Variants in IL15RA observed in about 807,000 individuals in gnomAD.
IL15RA encodes interleukin 15 receptor subunit alpha.
In IL15RA, 26 loss-of-function variants were observed where a neutral mutation model predicts 24.2. The observed-to-expected ratio is 1.07, with a 90% confidence interval of 0.79 to 1.49. IL15RA has a LOEUF of 1.49. Among genes scored for constraint, IL15RA ranks in the 40% most tolerant of loss-of-function variants. The pLI is 0.00. For synonymous variants in IL15RA, 166 were observed against 157.6 expected (o/e 1.05, Z -0.40); for missense variants, 354 against 356.4 (o/e 0.99, Z 0.05).
Position 5,968,509 on chromosome 10 carries a change from C to T in IL15RA, c.89-2170G>A, listed in dbSNP as rs1836996216. The T allele has an allele frequency of 2.1e-6, 1 of 475,282 alleles. No homozygotes were observed. Among genetic ancestry groups the T allele is most frequent in the Non-Finnish European group, 3.8e-6 (1 of 261,178 alleles). 29.4% of individuals were successfully genotyped at this position (475,282 alleles called of 1,614,324 possible). ...ACTCCCCATTCCAATGAGGACACAT[C>T]TTCTGCTAAGCTGATGGCGTGAGAG... is the stretch of plus-strand genomic sequence containing the variant. On this transcript the variant is annotated intron_variant, in intron 1 of 6. Transcript: ENST00000379977. The surrounding 1 kb of genome is among the most constrained non-coding windows in gnomAD (Gnocchi z 5.4).
At chr10:5,977,600 G>A, upstream of IL15RA, 1 of 1,258,802 alleles carries the variant, frequency 7.9e-7, no homozygotes, top group Non-Finnish European at 1.0e-6. Context: ...AGTCGCATTC[G>A]CTTTCGCTTT....
chr10:5,968,567 T>G lies in IL15RA; in HGVS notation c.89-2228A>C, dbSNP rs1488007762. ...CGATCTCACAAGTTGTTGAGGTGGA[T>G]TTGGATGCTGCTGTTGCTATGGTTA... is the stretch of plus-strand genomic sequence containing the variant. On this transcript the variant is annotated intron_variant, in intron 1 of 6. Transcript: ENST00000379977. This position sits in a 1 kb window ranked among gnomAD's most constrained non-coding sequence, Gnocchi z 5.4. The G allele has an allele frequency of 1.1e-5, 6 of 567,446 alleles. No homozygotes were observed. The highest frequency in any genetic ancestry group is 3.8e-5 in the African/African-American group (2 of 53,208). The allele number at this position is 567,446 out of a possible 1,614,324, so 35.2% of individuals were successfully genotyped here. A position where few individuals can be genotyped will look rare whatever the true frequency, so the allele number is the denominator to read the frequency against.
chr10:5,956,971 T>C (rs1451487160), intron 5 of IL15RA, among the ~76,000 whole-genome samples: 1 of 150,870 alleles, frequency 6.6e-6, no homozygotes, highest in Non-Finnish European at 1.5e-5. Context: ...TTTTTTTTTT[T>C]TTTTTTGAGA....
At position 5,965,586 on chromosome 10, in the gene IL15RA, A is replaced by G. The variant is rs8177688; in HGVS notation, c.283+559T>C. Among the ~76,000 whole-genome samples the G allele has an allele frequency of 3.3e-5, 5 of 152,196 alleles. No homozygotes were observed. The highest frequency in any genetic ancestry group is 1.2e-4 in the African/African-American group (5 of 41,460). On this transcript the variant is annotated intron_variant, in intron 2 of 6. Transcript: ENST00000379977. The surrounding 1 kb of genome is among the most constrained non-coding windows in gnomAD (Gnocchi z 5.8). ...CCAGATGACCAGCCAGAGTGCCAGA[A>G]TATCACAAGAGCTGCCCAAGGCCTC... is the stretch of plus-strand genomic sequence containing the variant.
At chr10:5,977,583 C>T (rs8177763), upstream of IL15RA, 41,275 of 1,256,882 alleles carry the variant, frequency 0.033, 779 homozygotes, top group Non-Finnish European at 0.037. Flanking sequence ...GGACCTGCCG[C>T]CCCGCCAGTC....
At chr10:5,969,988 A>T (rs745311282) in intron 1 of IL15RA, among the ~76,000 whole-genome samples, 6 of 152,136 alleles carry the variant, frequency 3.9e-5, no homozygotes, top group Non-Finnish European at 8.8e-5. Context: ...AGTATTTTGC[A>T]TATTGATTTT....
chr10:5,977,800 G>T (rs991293069), upstream of IL15RA: 5 of 453,082 alleles, frequency 1.1e-5, no homozygotes, highest in Non-Finnish European at 1.8e-5. Flanking sequence ...GGAGCCTCCC[G>T]GTCCTCCGCG....
In IL15RA at chr10:5,970,005, T is replaced by G. The variant is rs1472667326; in HGVS notation, c.89-3666A>C. 7.2e-5 allele frequency among the ~76,000 whole-genome samples: 11 copies of G among 152,218 alleles called. No homozygotes were observed. The highest frequency in any genetic ancestry group is 5.9e-4 in the Admixed American group (9 of 15,276). ...TATTTTGCATATTGATTTTTTGGTG[T>G]CTTGACTCTGTATTCTGCACCCTTG... On this transcript the variant is annotated intron_variant, in intron 1 of 6. Coordinates refer to ENST00000379977, the MANE Select transcript of IL15RA (RefSeq NM_002189.4). This position sits in a 1 kb window ranked among gnomAD's most constrained non-coding sequence, Gnocchi z 4.1.
chr10:5,974,674 C>T (rs1295034066), intron 1 of IL15RA, among the ~76,000 whole-genome samples: 2 of 151,944 alleles, frequency 1.3e-5, no homozygotes, highest in Admixed American at 6.6e-5. Flanking sequence ...GTCAGGAGTT[C>T]GAGACCAGCC....
intron 1 of IL15RA, among the ~76,000 whole-genome samples, chr10:5,969,630 C>T (rs577104530): frequency 6.6e-6 from 1 of 152,286 alleles, no homozygotes; most frequent in African/African-American, 2.4e-5. Context: ...TCCCAAAGTG[C>T]TGGGATTACA....
rs1836644884 is a variant in IL15RA at position 5,966,863 on chromosome 10, T to TG, written c.89-525dup. 6.6e-6 allele frequency among the ~76,000 whole-genome samples: 1 copy of TG among 152,030 alleles called. No homozygotes were observed. The highest frequency in any genetic ancestry group is 6.6e-5 in the Admixed American group (1 of 15,266). The stretch of plus-strand genomic sequence containing the variant: ...GGCAGGCGCCTGTAATCCCAGCTAC[T>TG]GGGGAGGCTGAGGCAGGAGAATTGC... On this transcript the variant is annotated intron_variant, in intron 1 of 6. Transcript: ENST00000379977. The surrounding 1 kb of genome is among the most constrained non-coding windows in gnomAD (Gnocchi z 6.4).
At position 5,958,383 on chromosome 10, in the gene IL15RA, T is replaced by C. The variant is rs1310592467; in HGVS notation, c.616+1371A>G. The C allele has an allele frequency of 4.6e-6, 2 of 438,556 alleles. No homozygotes were observed. Among genetic ancestry groups the C allele is most frequent in the African/African-American group, 4.1e-5 (2 of 49,284 alleles). The allele number at this position is 438,556 out of a possible 1,614,324, so 27.2% of individuals were successfully genotyped here. ...GGGGATTTTTGAGTTAGAAATGGGA[T>C]TTGCTTTTCGTCTTTTTTTTGAGAC... On this transcript the variant is annotated intron_variant, in intron 5 of 6. Coordinates refer to ENST00000379977, the MANE Select transcript of IL15RA (RefSeq NM_002189.4). The surrounding 1 kb of genome is among the most constrained non-coding windows in gnomAD (Gnocchi z 4.3).
rs1436403569 is a variant in IL15RA, at chr10:5,966,336, A to T, written c.92T>A (p.Ile31Asn). 6.2e-7 allele frequency: 1 copy of T among 1,605,318 alleles called. No homozygotes were observed. The highest frequency in any genetic ancestry group is 8.5e-7 in the Non-Finnish European group (1 of 1,172,546). Residue 31 changes from isoleucine to asparagine, a missense_variant, in exon 2 of 7, where the codon ATC (isoleucine) becomes AAC (asparagine). Ile to Asn is a moderately radical substitution (Grantham distance 149, BLOSUM62 -3). Coordinates refer to ENST00000379977, the MANE Select transcript of IL15RA (RefSeq NM_002189.4). This position sits in a 1 kb window ranked among gnomAD's most constrained non-coding sequence, Gnocchi z 6.4. ...CACGGACATGGGGGGAGGGCACGTGATGCCTGCGAAAGTGCAGAGGACAGG... is the reference window on the plus strand; with the variant it reads ...CACGGACATGGGGGGAGGGCACGTGTTGCCTGCGAAAGTGCAGAGGACAGG... ...LLLRPPATRG[I>N]TCPPPMSVEH...
chr10:5,956,384 C>T lies in IL15RA; in HGVS notation c.687G>A (p.Lys229=). 2 of 1,612,170 alleles carry T rather than the reference C, an allele frequency of 1.2e-6. No individual in the cohort carries two copies. Among genetic ancestry groups the T allele is most frequent in the Non-Finnish European group, 1.7e-6 (2 of 1,178,306 alleles). The change falls in exon 6 of 7, where the codon AAG becomes AAA. Residue 229 remains lysine, a synonymous_variant. Coordinates refer to ENST00000379977, the MANE Select transcript of IL15RA (RefSeq NM_002189.4). ...GAGTATCCAGTGCAACTCACCTTGA[C>T]TTGAGGTAGCATGCCAGGAGAGACA... is the stretch of plus-strand genomic sequence containing the variant. ...SAVSLLACYL[K]SRQTPPLASV... is the part of the protein sequence containing the mutation.
rs1254429079 is a variant in IL15RA, at chr10:5,952,941, C to G, written c.*154G>C. ...ACCTGCTCCCTCGCGCAGGAGGCGC[C>G]GACCCGGCAGTCCGTGAGATCCTGC... On this transcript the variant is annotated 3_prime_UTR_variant, in exon 7 of 7. Coordinates refer to ENST00000379977, the MANE Select transcript of IL15RA (RefSeq NM_002189.4). 3 of 648,908 alleles carry G rather than the reference C, an allele frequency of 4.6e-6. No homozygotes were observed. The highest frequency in any genetic ancestry group is 1.8e-5 in the African/African-American group (1 of 54,880). 40.2% of individuals were successfully genotyped at this position (648,908 alleles called of 1,614,324 possible). A position where few individuals can be genotyped will look rare whatever the true frequency, so the allele number is the denominator to read the frequency against.
In IL15RA at chr10:5,971,007, G is replaced by A. The variant is rs900195501; in HGVS notation, c.89-4668C>T. Among the ~76,000 whole-genome samples, 2 of 152,120 alleles carry A rather than the reference G, an allele frequency of 1.3e-5. No individual in the cohort carries two copies. The highest frequency in any genetic ancestry group is 4.2e-4 in the South Asian group (2 of 4,810). On this transcript the variant is annotated intron_variant, in intron 1 of 6. Coordinates refer to ENST00000379977, the MANE Select transcript of IL15RA (RefSeq NM_002189.4). The surrounding 1 kb of genome is among the most constrained non-coding windows in gnomAD (Gnocchi z 5.5). ...TCCTGAACTCAAGCCGTCCTCCAGAGATAATACATTTAATTGAAGCAATAA... is the reference window on the plus strand; with the variant it reads ...TCCTGAACTCAAGCCGTCCTCCAGAAATAATACATTTAATTGAAGCAATAA...
In IL15RA at chr10:5,959,753, C is replaced by G; in HGVS notation, c.616+1G>C. 1 of 1,613,200 alleles carries G rather than the reference C, an allele frequency of 6.2e-7. No individual in the cohort carries two copies. The highest frequency in any genetic ancestry group is 1.1e-5 in the South Asian group (1 of 91,050). Reference sequence around the variant, plus strand: ...CATACCGGACAAAGGGACACACTTACCAGTGGTGTCGCTGTGGCCCTGTGG... The same window carrying G: ...CATACCGGACAAAGGGACACACTTAGCAGTGGTGTCGCTGTGGCCCTGTGG... On this transcript the variant is annotated splice_donor_variant, in intron 5 of 6. Transcript: ENST00000379977. LOFTEE classifies it high-confidence loss of function. The surrounding 1 kb of genome is among the most constrained non-coding windows in gnomAD (Gnocchi z 4.1).
In IL15RA at chr10:5,963,888, C is replaced by T. The variant is rs1354517754; in HGVS notation, c.284-47G>A. ...GGCACTTATGATCCTGAGCCTGGAA[C>T]CTGGGCTGGCTTCAGAACGGGATAC... On this transcript the variant is annotated intron_variant, in intron 2 of 6. Transcript: ENST00000379977. The surrounding 1 kb of genome is among the most constrained non-coding windows in gnomAD (Gnocchi z 5.3). 9 of 1,258,386 alleles carry T rather than the reference C, an allele frequency of 7.2e-6. No homozygotes were observed. Among genetic ancestry groups the T allele is most frequent in the Non-Finnish European group, 9.9e-6 (9 of 905,064 alleles). The allele number at this position is 1,258,386 out of a possible 1,614,324, so 78.0% of individuals were successfully genotyped here. A position where few individuals can be genotyped will look rare whatever the true frequency, so the allele number is the denominator to read the frequency against.
rs2132500919 is a variant in IL15RA at position 5,965,325 on chromosome 10, C to T, written c.283+820G>A. On this transcript the variant is annotated intron_variant, in intron 2 of 6. Transcript: ENST00000379977. The surrounding 1 kb of genome is among the most constrained non-coding windows in gnomAD (Gnocchi z 5.8). ...GCAGCCCTGCTCCAGGGCCTGTGCC[C>T]ATCCCCGGGGCTGGGTACTGAGAGA... Among the ~76,000 whole-genome samples the T allele has an allele frequency of 6.6e-6, 1 of 152,374 alleles. No homozygotes were observed. Among genetic ancestry groups the T allele is most frequent in the South Asian group, 2.1e-4 (1 of 4,828 alleles).
Sources: gnomAD v4.1 joint callset for allele counts (sites outside exome capture counted in the v4.1 genomes callset) on GRCh38, gnomAD v4.1.1 for gene constraint, Gnocchi (gnomAD v3.1) non-coding constraint, MANE v1.5 for transcripts, NCBI Gene and HGNC (gene_info 2026-07-23, HGNC 2026-07-21) for gene names.